Variants in LPA observed in about 807,000 individuals in gnomAD.
LPA encodes apolipoprotein(a).
Under a neutral mutation model 197.9 loss-of-function variants are expected in LPA, and 199 were observed. The ratio of observed to expected loss-of-function variants is 1.01; its 90% CI spans 0.90 to 1.13. LPA has a LOEUF of 1.13. LPA is among the 50% of genes most tolerant of loss of function. The pLI is 0.00. For missense variants in LPA, 1,853 were observed against 1,785.8 expected (o/e 1.04, Z -0.68); for synonymous variants, 715 against 639.5 (o/e 1.12, Z -1.78).
At chr6:160,542,961 A>G (rs1298085105) in intron 33 of LPA, among the ~76,000 whole-genome samples, 153 bp from the exon 34 acceptor site, 1 of 152,222 alleles carries the variant, frequency 6.6e-6, no homozygotes, top group African/African-American at 2.4e-5. Flanking sequence ...TTTCTTTCTA[A>G]GTTTAAAAAG....
At chr6:160,631,991 AGTGTGT>A (rs1554240938) in intron 8 of LPA, among the ~76,000 whole-genome samples, 49 of 131,228 alleles carry the variant, frequency 3.7e-4, no homozygotes, top group Middle Eastern at 8.2e-3. Flanking sequence ...GTGTGTTTTC[AGTGTGT>A]GTGTGTGTGT....
chr6:160,557,825 C>T lies in LPA; in HGVS notation c.4632-254G>A, dbSNP rs1038973396. Among the ~76,000 whole-genome samples, 7 of 152,152 alleles carry T rather than the reference C, an allele frequency of 4.6e-5. No homozygotes were observed. The South Asian group carries it at 1.0e-3, about 23-fold the overall frequency. On this transcript the variant is annotated intron_variant, in intron 28 of 38. Coordinates refer to ENST00000316300, the MANE Select transcript of LPA (RefSeq NM_005577.4). ...GATCCATAAAAAAACTGAGATCATA[C>T]ATAAATGTATACAAGAAAAATTCGG...
chr6:160,599,415 C>T (rs1562338637), intron 20 of LPA, 85 bp downstream of exon 20: 2 of 1,578,004 alleles, frequency 1.3e-6, no homozygotes, highest in Admixed American at 3.3e-5. Flanking sequence ...AAGTTGAGTC[C>T]TGAGCAGTCA....
At chr6:160,579,312 T>C (rs181228698) in intron 26 of LPA, among the ~76,000 whole-genome samples, 104 of 152,202 alleles carry the variant, frequency 6.8e-4, no homozygotes, top group African/African-American at 2.4e-3. Flanking sequence ...GTAGAGCAAG[T>C]GGGTTTGGGT....
chr6:160,635,521 T>TA (rs1779799904), intron 6 of LPA, among the ~76,000 whole-genome samples: 1 of 117,664 alleles, frequency 8.5e-6, no homozygotes, highest in Non-Finnish European at 1.8e-5. Context: ...TTTTTTTAAA[T>TA]AAAAAATCTA....
chr6:160,571,231 TC>T (rs1778556568), intron 28 of LPA, among the ~76,000 whole-genome samples: 2 of 152,186 alleles, frequency 1.3e-5, no homozygotes, highest in African/African-American at 4.8e-5. Flanking sequence ...TCATTTATGT[TC>T]TTCTCTAAAC....
chr6:160,563,208 C>G (rs1416266754), intron 28 of LPA, among the ~76,000 whole-genome samples: 1 of 152,178 alleles, frequency 6.6e-6, no homozygotes, highest in Non-Finnish European at 1.5e-5. Flanking sequence ...GCATTTAGTG[C>G]TATAAATTTC....
rs1283419596 is a variant in LPA at position 160,600,903 on chromosome 6, G to A, written c.3127+14C>T. Reference sequence around the variant, plus strand: ...CAGCATCCAAGCAGGTAAATGTCTGGCACAACTTCTTACCTTGTTCAAAAA... The same window carrying A: ...CAGCATCCAAGCAGGTAAATGTCTGACACAACTTCTTACCTTGTTCAAAAA... On this transcript the variant is annotated intron_variant, in intron 19 of 38. Coordinates refer to ENST00000316300, the MANE Select transcript of LPA (RefSeq NM_005577.4). 3.1e-6 allele frequency: 5 copies of A among 1,611,842 alleles called. No individual in the cohort carries two copies. The highest frequency in any genetic ancestry group is 2.2e-5 in the South Asian group (2 of 90,994).
At chr6:160,656,333 G>A (rs982020388) in intron 1 of LPA, among the ~76,000 whole-genome samples, 2 of 152,114 alleles carry the variant, frequency 1.3e-5, no homozygotes, top group Admixed American at 6.6e-5. Context: ...CACCATAATA[G>A]CCCTCATCCT....
intron 1 of LPA, among the ~76,000 whole-genome samples, chr6:160,661,307 A>G (rs1780222369): frequency 6.6e-6 from 1 of 152,234 alleles, no homozygotes; most frequent in Non-Finnish European, 1.5e-5. Context: ...AAGAGTGACT[A>G]GAAGAGCAGT....
At chr6:160,557,913 G>A (rs1473793980) in intron 28 of LPA, among the ~76,000 whole-genome samples, 1 of 151,658 alleles carries the variant, frequency 6.6e-6, no homozygotes, top group African/African-American at 2.4e-5. Context: ...TTTGAAGAGT[G>A]CATTTTAGAT....
intron 18 of LPA, 129 bp downstream of exon 18, chr6:160,604,917 T>C: frequency 2.8e-6 from 4 of 1,413,058 alleles, no homozygotes; most frequent in South Asian, 1.2e-5. Flanking sequence ...ACAATGTTCC[T>C]GAGACATTTT....
At chr6:160,554,615 AT>A (rs1350152840) in intron 30 of LPA, among the ~76,000 whole-genome samples, 1 of 152,206 alleles carries the variant, frequency 6.6e-6, no homozygotes, top group Admixed American at 6.5e-5. Flanking sequence ...GAACCCCGGT[AT>A]CCCCCAGTGC....
intron 2 of LPA, among the ~76,000 whole-genome samples, chr6:160,648,936 C>T (rs1191349942): frequency 6.6e-6 from 1 of 152,092 alleles, no homozygotes; most frequent in East Asian, 1.9e-4. Flanking sequence ...TTGTGGGTCA[C>T]ACTAAAAGGT....
intron 18 of LPA, among the ~76,000 whole-genome samples, chr6:160,603,171 C>CT (rs1562340269): frequency 6.6e-6 from 1 of 150,378 alleles, no homozygotes; most frequent in Non-Finnish European, 1.5e-5. Flanking sequence ...TGCAGGAAAT[C>CT]TTTTTATATT....
In LPA at chr6:160,563,392, A is replaced by C. The variant is rs1030984855; in HGVS notation, c.4632-5821T>G. On this transcript the variant is annotated intron_variant, in intron 28 of 38. Coordinates refer to ENST00000316300, the MANE Select transcript of LPA (RefSeq NM_005577.4). ...TTGTGTGGTTTTGAGTGAGTTTATT[A>C]ATCCTGAGTTCTAGTTTGATTGCAC... 7.9e-5 allele frequency among the ~76,000 whole-genome samples: 12 copies of C among 152,316 alleles called. No individual in the cohort carries two copies. The East Asian group carries it at 1.7e-3, about 22-fold the overall frequency.
intron 26 of LPA, 135 bp from the exon 27 acceptor site, chr6:160,578,839 C>T: frequency 7.8e-7 from 1 of 1,280,024 alleles, no homozygotes; most frequent in East Asian, 2.5e-5. Flanking sequence ...AATAATATTG[C>T]CACAAGCACA....
At chr6:160,596,961 G>A (rs9355296) in intron 20 of LPA, among the ~76,000 whole-genome samples, 25,053 of 152,002 alleles carry the variant, frequency 0.16, 2,870 homozygotes, top group East Asian at 0.46. Flanking sequence ...GAAATGCACC[G>A]TATGACTCCC....
rs1357368052 is a variant in LPA, at chr6:160,595,511, C to A, written c.3312G>T (p.Arg1104Ser). 1 of 1,614,006 alleles carries A rather than the reference C, an allele frequency of 6.2e-7. No homozygotes were observed. The highest frequency in any genetic ancestry group is 8.5e-7 in the Non-Finnish European group (1 of 1,179,944). Residue 1104 changes from arginine to serine, a missense_variant, in exon 21 of 39, where the codon AGG (arginine) becomes AGT (serine). By Grantham distance (110) the Arg-to-Ser change is moderately radical (BLOSUM62 -1). Transcript: ENST00000316300. Reference protein sequence around the residue: ...PNAGLTRNYCRNPDAEIRPWC... With the variant: ...PNAGLTRNYCSNPDAEIRPWC... ...AAGGGCGAATCTCAGCATCTGGATT[C>A]CTGCAGTAGTTCCTGGTCAGGCCAC...
Sources: gnomAD v4.1 joint callset for allele counts (sites outside exome capture counted in the v4.1 genomes callset) on GRCh38, gnomAD v4.1.1 for gene constraint, MANE v1.5 for transcripts, NCBI Gene and HGNC (gene_info 2026-07-23, HGNC 2026-07-21) for gene names.